NF1: variants seen among roughly 807,000 people sequenced by gnomAD.
NF1 encodes neurofibromin.
Under a neutral mutation model 325.7 loss-of-function variants are expected in NF1, and 122 were observed. That is an observed-to-expected ratio of 0.37 (90% CI 0.32 to 0.44). NF1 has a LOEUF of 0.44. Ranked by LOEUF, NF1 falls within the 20% of genes least tolerant of loss-of-function variation. NF1 has a pLI of 1.00. For missense variants in NF1, 2,140 were observed against 3,415.4 expected (o/e 0.63, Z 9.31); for synonymous variants, 1,091 against 1,186.0 (o/e 0.92, Z 1.65).
intron 36 of NF1, among the ~76,000 whole-genome samples, chr17:31,281,031 C>T (rs1053782234): frequency 6.6e-6 from 1 of 152,110 alleles, no homozygotes; most frequent in Admixed American, 6.5e-5. Context: ...AGCACCCAAT[C>T]ATATATGTAC....
intron 1 of NF1, among the ~76,000 whole-genome samples, chr17:31,118,918 G>A (rs1220913546): frequency 6.7e-6 from 1 of 150,046 alleles, no homozygotes; most frequent in African/African-American, 2.4e-5. Flanking sequence ...CAGTGTAAAG[G>A]CATTTCTATG....
chr17:31,249,205 G>A, intron 30 of NF1, 86 bp downstream of exon 30: 1 of 1,422,820 alleles, frequency 7.0e-7, no homozygotes, highest in Non-Finnish European at 9.9e-7. Context: ...AGCTGCTGAT[G>A]GTGTGTGGTT....
chr17:31,184,490 A>T (rs930106467), intron 8 of NF1, among the ~76,000 whole-genome samples: 1 of 151,374 alleles, frequency 6.6e-6, no homozygotes, highest in Non-Finnish European at 1.5e-5. Flanking sequence ...TCTACTAAAA[A>T]TACAAAAAAT....
chr17:31,107,115 A>AT (rs1338369071), intron 1 of NF1, among the ~76,000 whole-genome samples: 2 of 151,190 alleles, frequency 1.3e-5, no homozygotes, highest in Non-Finnish European at 2.9e-5. Context: ...CTTTTGGAGT[A>AT]TTTTTTTCTA....
At chr17:31,095,756 A>G (rs1272216076) in intron 1 of NF1, among the ~76,000 whole-genome samples, 1 of 152,060 alleles carries the variant, frequency 6.6e-6, no homozygotes, top group East Asian at 1.9e-4. Flanking sequence ...AGAGGTGGGT[A>G]ACGTTTAGGG....
chr17:31,325,799 C>CT (rs769814130), intron 36 of NF1, 21 bp from the exon 37 acceptor site: 34 of 1,599,310 alleles, frequency 2.1e-5, no homozygotes, highest in Non-Finnish European at 2.7e-5. Flanking sequence ...TAATCTTTGT[C>CT]TTTTTTGTCA....
Position 31,163,380 on chromosome 17 carries a change from A to G in NF1, c.479+4A>G, listed in dbSNP as rs1567818032. On this transcript the variant is annotated splice_donor_region_variant and intron_variant, in intron 4 of 57. Coordinates refer to ENST00000358273, the MANE Select transcript of NF1 (RefSeq NM_001042492.3). The stretch of plus-strand genomic sequence containing the variant: ...TCTTTAGTCGCATTTCTACCAGGTT[A>G]GTGTGTAAATCCACATGGGACTACT... 6.2e-7 allele frequency: 1 copy of G among 1,613,754 alleles called. No homozygotes were observed. The highest frequency in any genetic ancestry group is 1.7e-5 in the Admixed American group (1 of 60,004).
intron 12 of NF1, among the ~76,000 whole-genome samples, chr17:31,206,780 G>C (rs1272669089): frequency 6.6e-6 from 1 of 151,938 alleles, no homozygotes; most frequent in Non-Finnish European, 1.5e-5. Context: ...CTAATTGAAT[G>C]GTGACTATTA....
At chr17:31,259,530 A>T (rs2067647477) in intron 33 of NF1, among the ~76,000 whole-genome samples, 1 of 152,168 alleles carries the variant, frequency 6.6e-6, no homozygotes, top group African/African-American at 2.4e-5. Context: ...TAAATTTGGA[A>T]GTGTATCTAA....
intron 57 of NF1, among the ~76,000 whole-genome samples, chr17:31,364,076 C>A (rs1385232140): frequency 6.6e-6 from 1 of 152,124 alleles, no homozygotes; most frequent in Admixed American, 6.5e-5. Flanking sequence ...TTGCTTATAT[C>A]AAAAAACCAA....
chr17:31,310,772 A>G (rs1434206803), intron 36 of NF1, among the ~76,000 whole-genome samples: 1 of 151,978 alleles, frequency 6.6e-6, no homozygotes, highest in Non-Finnish European at 1.5e-5. Context: ...CAGCCCTCAT[A>G]TGCCGGTTTT....
chr17:31,295,382 G>A, intron 36 of NF1: 2 of 1,614,132 alleles, frequency 1.2e-6, no homozygotes, highest in South Asian at 2.2e-5. Flanking sequence ...TTTGCTTAGA[G>A]TGGCACCAAA....
Position 31,360,713 on chromosome 17 carries a change from TG to T in NF1, c.8377+11del. On this transcript the variant is annotated intron_variant, in intron 57 of 57. Coordinates refer to ENST00000358273, the MANE Select transcript of NF1 (RefSeq NM_001042492.3). Reference sequence around the variant, plus strand: ...TCCCAGCATTCCCCAGGTCAGTAAATGTGATCTTTATATGACTTTGAGCAAC... The same window carrying T: ...TCCCAGCATTCCCCAGGTCAGTAAATTGATCTTTATATGACTTTGAGCAAC... 6.2e-7 allele frequency: 1 copy of T among 1,600,486 alleles called. No individual in the cohort carries two copies. The highest frequency in any genetic ancestry group is 8.6e-7 in the Non-Finnish European group (1 of 1,167,568).
At chr17:31,144,353 G>C (rs772330021) in intron 1 of NF1, among the ~76,000 whole-genome samples, 3 of 152,104 alleles carry the variant, frequency 2.0e-5, no homozygotes, top group Non-Finnish European at 4.4e-5. Context: ...ACATAAATCA[G>C]ATTATGTCAT....
intron 36 of NF1, among the ~76,000 whole-genome samples, chr17:31,302,283 A>G (rs1038625845): frequency 6.6e-6 from 1 of 152,160 alleles, no homozygotes; most frequent in African/African-American, 2.4e-5. Flanking sequence ...GCTCCCGTTT[A>G]ATCTAAGAAA....
chr17:31,152,285 A>G (rs1489487451), intron 1 of NF1, among the ~76,000 whole-genome samples: 2 of 151,566 alleles, frequency 1.3e-5, no homozygotes, highest in African/African-American at 4.9e-5. Flanking sequence ...ATTCTGGGTC[A>G]CTTTTCCAGG....
chr17:31,147,648 G>T (rs969969518), intron 1 of NF1, among the ~76,000 whole-genome samples: 9 of 152,102 alleles, frequency 5.9e-5, no homozygotes, highest in Non-Finnish European at 1.3e-4. Context: ...ATGCCTACTA[G>T]TAGCTCCTAA....
rs758089068 is a variant in NF1 at position 31,181,702 on chromosome 17, A to G, written c.655-8A>G. The G allele has an allele frequency of 1.9e-6, 3 of 1,598,558 alleles. No individual in the cohort carries two copies. Among genetic ancestry groups the G allele is most frequent in the Non-Finnish European group, 2.6e-6 (3 of 1,166,018 alleles). ...TCACTGTAAAGACATGTGGTTCTTT[A>G]TTTATAGGCATTTTGGAACTGGGTA... On this transcript the variant is annotated splice_region_variant and splice_polypyrimidine_tract_variant and intron_variant, in intron 6 of 57. Transcript: ENST00000358273.
At chr17:31,305,968 G>A (rs1430703534) in intron 36 of NF1, among the ~76,000 whole-genome samples, 1 of 152,056 alleles carries the variant, frequency 6.6e-6, no homozygotes, top group Non-Finnish European at 1.5e-5. Flanking sequence ...AAAACGCATA[G>A]GCTCTATATG....
Sources: gnomAD v4.1 joint callset for allele counts (sites outside exome capture counted in the v4.1 genomes callset) on GRCh38, gnomAD v4.1.1 for gene constraint, MANE v1.5 for transcripts, NCBI Gene and HGNC (gene_info 2026-07-23, HGNC 2026-07-21) for gene names.